MEIS1: variants seen among roughly 807,000 people sequenced by gnomAD.
MEIS1 encodes the protein homeobox protein Meis1.
MEIS1 carries 5 observed loss-of-function variants against 50.8 expected under a neutral mutation model. That is an observed-to-expected ratio of 0.10 (90% CI 0.05 to 0.21). The LOEUF is 0.21. MEIS1 is among the 10% of genes least tolerant of loss of function. The pLI is 1.00. For missense variants in MEIS1, 318 were observed against 517.3 expected (o/e 0.61, Z 3.74); for synonymous variants, 176 against 179.3 (o/e 0.98, Z 0.15).
chr2:66,458,746 T>A (rs1672452553), intron 6 of MEIS1, among the ~76,000 whole-genome samples: 1 of 152,204 alleles, frequency 6.6e-6, no homozygotes, highest in Non-Finnish European at 1.5e-5. Context: ...TGAGTATTAA[T>A]CTATTTTTAT....
chr2:66,510,711 G>GGTTTT (rs148559133), intron 7 of MEIS1, among the ~76,000 whole-genome samples: 2,555 of 152,090 alleles, frequency 0.017, 28 homozygotes, highest in Non-Finnish European at 0.027. Flanking sequence ...ATTGAGGAAT[G>GGTTTT]CTTTTCTTTT....
At chr2:66,439,385 G>T in intron 2 of MEIS1, 1 of 1,256,646 alleles carries the variant, frequency 8.0e-7, no homozygotes, top group East Asian at 3.2e-5. Flanking sequence ...CTGCCACCGA[G>T]ATCCCCCGAG....
At chr2:66,540,214 A>G (rs549970837) in intron 8 of MEIS1, among the ~76,000 whole-genome samples, 10 of 152,342 alleles carry the variant, frequency 6.6e-5, no homozygotes, top group Non-Finnish European at 1.5e-4. Flanking sequence ...ACAAATAATG[A>G]GTTTGAATGA....
chr2:66,444,148 G>A (rs1462484336), intron 6 of MEIS1, among the ~76,000 whole-genome samples: 1 of 152,176 alleles, frequency 6.6e-6, no homozygotes, highest in Non-Finnish European at 1.5e-5. Context: ...AGAGATTTGG[G>A]TAGCTGGCCT....
chr2:66,573,733 C>G lies in MEIS1; in HGVS notation c.*2525C>G, dbSNP rs1161923859. The stretch of plus-strand genomic sequence containing the variant: ...CATAGATGGGATTGTTTAAATCTCC[C>G]TTGTTGACCTAGTGGCAATTCTTCC... On this transcript the variant is annotated 3_prime_UTR_variant, in exon 13 of 13. Coordinates refer to ENST00000272369, the MANE Select transcript of MEIS1 (RefSeq NM_002398.3). 6.6e-6 allele frequency: 1 copy of G among 152,184 alleles called. No individual in the cohort carries two copies. Among genetic ancestry groups the G allele is most frequent in the East Asian group, 1.9e-4 (1 of 5,190 alleles). The allele number at this position is 152,184 out of a possible 1,614,324, so 9.4% of individuals were successfully genotyped here.
chr2:66,567,428 A>G (rs1023231210), intron 9 of MEIS1, 25 bp from the exon 10 acceptor site: 52 of 1,611,222 alleles, frequency 3.2e-5, no homozygotes, highest in Non-Finnish European at 4.3e-5. Flanking sequence ...AGGAATAACG[A>G]TTTGTTTCAC....
rs1031657163 is a variant in MEIS1, at chr2:66,446,833, C to T, written c.630+3785C>T. Among the ~76,000 whole-genome samples the T allele has an allele frequency of 2.0e-5, 3 of 152,232 alleles. No homozygotes were observed. In the South Asian group the frequency reaches 6.2e-4, roughly 31 times the overall value. ...ACTGGAGAGCGCAGGGCCGCCAGGC[C>T]TCTGGGATCTGGGGCAGGCCGGGCC... On this transcript the variant is annotated intron_variant, in intron 6 of 12. Transcript: ENST00000272369.
intron 9 of MEIS1, among the ~76,000 whole-genome samples, chr2:66,552,871 C>G (rs1337272924): frequency 2.0e-5 from 3 of 152,132 alleles, no homozygotes; most frequent in African/African-American, 7.2e-5. Flanking sequence ...CTTTCAACTT[C>G]TGTGATCTAA....
intron 7 of MEIS1, among the ~76,000 whole-genome samples, chr2:66,473,104 C>A (rs1047366388): frequency 6.6e-6 from 1 of 151,878 alleles, no homozygotes; most frequent in Non-Finnish European, 1.5e-5. Flanking sequence ...TAAGGCCGGG[C>A]GCGGTGGCTC....
chr2:66,494,667 T>C (rs1311712566), intron 7 of MEIS1, among the ~76,000 whole-genome samples: 2 of 152,232 alleles, frequency 1.3e-5, no homozygotes, highest in African/African-American at 4.8e-5. Context: ...AGTTCTCCCA[T>C]AGTCAGGGAA....
At position 66,437,515 on chromosome 2, in the gene MEIS1, G is replaced by T. The variant is rs1671826018; in HGVS notation, c.13-222G>T. The T allele has an allele frequency of 5.2e-6, 3 of 576,678 alleles. 1 individual carries two copies. In the African/African-American group the frequency reaches 5.6e-5, roughly 11 times the overall value. The allele number at this position is 576,678 out of a possible 1,614,324, so 35.7% of individuals were successfully genotyped here. On this transcript the variant is annotated intron_variant, in intron 1 of 12. Coordinates refer to ENST00000272369, the MANE Select transcript of MEIS1 (RefSeq NM_002398.3). ...CTAGTTGATAGGGACACAAGTTAGG[G>T]CAAGATCATTCATCCCAGACGAGTC...
At chr2:66,553,367 C>T (rs575591053) in intron 9 of MEIS1, among the ~76,000 whole-genome samples, 6 of 152,174 alleles carry the variant, frequency 3.9e-5, no homozygotes, top group African/African-American at 9.7e-5. Context: ...CTTCAAGCCT[C>T]GGTTAATTGC....
chr2:66,448,331 A>G (rs1325397585), intron 6 of MEIS1, among the ~76,000 whole-genome samples: 2 of 152,194 alleles, frequency 1.3e-5, no homozygotes, highest in African/African-American at 2.4e-5. Context: ...CTGGGTGACA[A>G]GAAAAGAAAA....
At position 66,470,886 on chromosome 2, in the gene MEIS1, G is replaced by T. The variant is rs76644476; in HGVS notation, c.742+6666G>T. 8.5e-3 allele frequency among the ~76,000 whole-genome samples: 1,298 copies of T among 152,226 alleles called. 19 individuals carry two copies. The highest frequency in any genetic ancestry group is 0.029 in the African/African-American group (1,198 of 41,522). On this transcript the variant is annotated intron_variant, in intron 7 of 12. Transcript: ENST00000272369. ...AAGAATATGTAAAAGACAGACAAAT[G>T]TTCTGTCTTTTTCTGTAAGGTGACC...
intron 9 of MEIS1, among the ~76,000 whole-genome samples, chr2:66,557,378 A>ATT (rs1406703610): frequency 1.3e-5 from 2 of 152,172 alleles, no homozygotes; most frequent in African/African-American, 4.8e-5. Flanking sequence ...ATTAAAAGAC[A>ATT]TTTTCACCAC....
chr2:66,566,556 G>A (rs1368417100), intron 9 of MEIS1, among the ~76,000 whole-genome samples: 6 of 151,932 alleles, frequency 3.9e-5, no homozygotes, highest in South Asian at 4.2e-4. Context: ...CAGAACAAAC[G>A]GATCTTAAGA....
intron 10 of MEIS1, 157 bp from the exon 11 acceptor site, chr2:66,568,510 T>TCGGTGGTCGC (rs1675405544): frequency 7.2e-6 from 4 of 557,332 alleles, no homozygotes; most frequent in Non-Finnish European, 1.3e-5. Context: ...TGTGTAGATC[T>TCGGTGGTCGC]AGTCTGAGAG....
chr2:66,482,215 A>T (rs561261853), intron 7 of MEIS1, among the ~76,000 whole-genome samples: 179 of 152,282 alleles, frequency 1.2e-3, no homozygotes, highest in Non-Finnish European at 1.9e-3. Flanking sequence ...GCCAGGTACA[A>T]TGCTAGGTGG....
intron 7 of MEIS1, among the ~76,000 whole-genome samples, chr2:66,485,092 T>TAC (rs933176331): frequency 1.4e-4 from 21 of 152,060 alleles, no homozygotes; most frequent in African/African-American, 4.6e-4. Context: ...TATATATATA[T>TAC]ACACATATGA....
Sources: gnomAD v4.1 joint callset for allele counts (sites outside exome capture counted in the v4.1 genomes callset) on GRCh38, gnomAD v4.1.1 for gene constraint, MANE v1.5 for transcripts, NCBI Gene and HGNC (gene_info 2026-07-23, HGNC 2026-07-21) for gene names.